The following FOXP2 variants were observed in gnomAD, a reference collection of about 807,000 sequenced individuals.
FOXP2 encodes the protein forkhead box protein P2.
FOXP2 carries 12 observed loss-of-function variants against 115.8 expected under a neutral mutation model. The observed-to-expected ratio is 0.10, with a 90% confidence interval of 0.07 to 0.17. The LOEUF (loss-of-function observed/expected upper bound fraction) is 0.17, where lower values mean the gene tolerates loss of function less well. FOXP2 is among the 10% of genes least tolerant of loss of function. FOXP2 has a pLI of 1.00. For synonymous variants in FOXP2, 328 were observed against 297.7 expected, an observed-to-expected ratio of 1.10 and a Z score of -1.05; for missense variants, 629 against 843.5, an observed-to-expected ratio of 0.75 and a Z score of 3.15.
chr7:114,175,530 G>T (rs1185106183), intron 1 of FOXP2, among the ~76,000 whole-genome samples: 1 of 152,074 alleles, frequency 6.6e-6, no homozygotes, highest in Non-Finnish European at 1.5e-5. Context: ...TCTCTTAAAT[G>T]TTTAGTGATT....
intron 6 of FOXP2, among the ~76,000 whole-genome samples, chr7:114,642,025 C>T (rs956663928): frequency 2.6e-5 from 4 of 151,922 alleles, no homozygotes; most frequent in Non-Finnish European, 4.4e-5. Flanking sequence ...AGGCTGGTCT[C>T]GAACTCCTGG....
chr7:114,685,483 A>G (rs1218294077), intron 16 of FOXP2, among the ~76,000 whole-genome samples: 1 of 152,182 alleles, frequency 6.6e-6, no homozygotes, highest in Non-Finnish European at 1.5e-5. Context: ...TTAACTATCA[A>G]TGACAAACTC....
chr7:114,201,931 C>G (rs1794077932), intron 1 of FOXP2, among the ~76,000 whole-genome samples: 1 of 152,150 alleles, frequency 6.6e-6, no homozygotes, highest in African/African-American at 2.4e-5. Context: ...TGTCAGGGAA[C>G]TTGGTCACAA....
At chr7:114,613,382 A>G (rs1584951682) in intron 3 of FOXP2, among the ~76,000 whole-genome samples, 1 of 152,218 alleles carries the variant, frequency 6.6e-6, no homozygotes, top group East Asian at 1.9e-4. Context: ...GCATCAAGAA[A>G]TATATTTTGG....
At chr7:114,651,792 A>G (rs1398207397) in intron 8 of FOXP2, among the ~76,000 whole-genome samples, 1 of 152,146 alleles carries the variant, frequency 6.6e-6, no homozygotes, top group Non-Finnish European at 1.5e-5. Context: ...GCTCACTAAA[A>G]TACATCATAG....
intron 1 of FOXP2, among the ~76,000 whole-genome samples, chr7:114,255,700 G>A (rs954800208): frequency 1.3e-5 from 2 of 152,118 alleles, no homozygotes; most frequent in African/African-American, 2.4e-5. Flanking sequence ...TCACAGCTTC[G>A]CTTGGCTAGG....
At chr7:114,402,444 G>T (rs750091668) in intron 2 of FOXP2, among the ~76,000 whole-genome samples, 14 of 152,056 alleles carry the variant, frequency 9.2e-5, no homozygotes, top group South Asian at 6.2e-4. Flanking sequence ...ATCTCAAACA[G>T]TTTACACAAT....
chr7:114,088,238 C>A (rs1228784005), intron 1 of FOXP2: 4 of 151,916 alleles, frequency 2.6e-5, no homozygotes, highest in African/African-American at 9.7e-5. Context: ...GGTGGGCAGG[C>A]TTTGGCCATG....
rs556817935 is a variant in FOXP2, at chr7:114,638,992, G to A, written c.776-3418G>A. On this transcript the variant is annotated intron_variant, in intron 6 of 16. Transcript: ENST00000350908. ...TGACATTTGTTACTTCATTACAATA[G>A]CACGGTTATATCACTAATTTTCAGT... 2.4e-3 allele frequency among the ~76,000 whole-genome samples: 372 copies of A among 152,204 alleles called. 1 individual carries two copies. Among genetic ancestry groups the A allele is most frequent in the African/African-American group, 8.6e-3 (359 of 41,534 alleles).
At chr7:114,391,548 T>C (rs1391664716) in intron 2 of FOXP2, among the ~76,000 whole-genome samples, 2 of 152,210 alleles carry the variant, frequency 1.3e-5, no homozygotes, top group Non-Finnish European at 2.9e-5. Context: ...ATCTTATTGC[T>C]CACTATGGTG....
chr7:114,197,801 T>C (rs560340057), intron 1 of FOXP2, among the ~76,000 whole-genome samples: 14 of 152,056 alleles, frequency 9.2e-5, no homozygotes, highest in Non-Finnish European at 1.9e-4. Context: ...TCAAATGTGA[T>C]GGATATGTGA....
At chr7:114,413,506 A>ATTATT (rs1793218764), upstream of FOXP2, among the ~76,000 whole-genome samples, 1 of 152,146 alleles carries the variant, frequency 6.6e-6, no homozygotes, top group African/African-American at 2.4e-5. Context: ...CATACTTTTA[A>ATTATT]TGAGTGAATT....
At chr7:114,404,900 C>T (rs1477551083) in intron 2 of FOXP2, among the ~76,000 whole-genome samples, 2 of 151,666 alleles carry the variant, frequency 1.3e-5, no homozygotes, top group African/African-American at 4.8e-5. Flanking sequence ...CCCTGCTGTT[C>T]GTGGTATTTT....
chr7:114,166,263 A>C (rs759950985), intron 1 of FOXP2, among the ~76,000 whole-genome samples: 1 of 152,210 alleles, frequency 6.6e-6, no homozygotes, highest in African/African-American at 2.4e-5. Flanking sequence ...GTTGGATTTC[A>C]TTAAAATTAA....
chr7:114,247,426 C>A (rs1795313428), intron 1 of FOXP2, among the ~76,000 whole-genome samples: 1 of 152,066 alleles, frequency 6.6e-6, no homozygotes, highest in South Asian at 2.1e-4. Context: ...ACCTCTGTTT[C>A]TTTTTTTCAC....
chr7:114,116,357 T>G (rs1791408079), intron 1 of FOXP2, among the ~76,000 whole-genome samples: 1 of 152,164 alleles, frequency 6.6e-6, no homozygotes, highest in Non-Finnish European at 1.5e-5. Context: ...CTTACTTTAC[T>G]TTTAACCCAT....
At chr7:114,097,765 A>G (rs545160562) in intron 1 of FOXP2, among the ~76,000 whole-genome samples, 1 of 152,178 alleles carries the variant, frequency 6.6e-6, no homozygotes, top group Non-Finnish European at 1.5e-5. Flanking sequence ...CTTGTCATCT[A>G]TTTGACTGAT....
chr7:114,315,186 G>A (rs143388250), intron 2 of FOXP2, among the ~76,000 whole-genome samples: 2 of 152,262 alleles, frequency 1.3e-5, no homozygotes, highest in East Asian at 3.9e-4. Context: ...TTTATAGGAA[G>A]TTTCCTGGGA....
rs542439619 is a variant in FOXP2, at chr7:114,521,393, G to A, written c.169-13224G>A. On this transcript the variant is annotated intron_variant, in intron 2 of 16. Coordinates refer to ENST00000350908, the MANE Select transcript of FOXP2 (RefSeq NM_014491.4). ...CAAAAACAAACAAACAAAACAACTG[G>A]GTATGGTAGCATGCCTCTAGTCCTA... Among the ~76,000 whole-genome samples the A allele has an allele frequency of 4.6e-5, 7 of 151,848 alleles. No individual in the cohort carries two copies. In the South Asian group the frequency reaches 1.0e-3, roughly 23 times the overall value.
Sources: gnomAD v4.1 joint callset for allele counts (sites outside exome capture counted in the v4.1 genomes callset) on GRCh38, gnomAD v4.1.1 for gene constraint, MANE v1.5 for transcripts, NCBI Gene and HGNC (gene_info 2026-07-23, HGNC 2026-07-21) for gene names.